The following CNOT1 variants were observed in gnomAD, a reference collection of about 807,000 sequenced individuals.
The protein encoded by CNOT1 is CCR4-NOT transcription complex subunit 1.
A neutral mutation model predicts 273.8 loss-of-function variants in CNOT1; 15 were observed. The ratio of observed to expected loss-of-function variants is 0.05; its 90% confidence interval spans 0.04 to 0.08. The LOEUF is 0.08. CNOT1 is among the 10% of genes least tolerant of loss of function. CNOT1 has a pLI of 1.00. For missense variants in CNOT1, 1,644 were observed against 2,912.2 expected (o/e 0.56, Z 10.02); for synonymous variants, 1,022 against 1,005.5 (o/e 1.02, Z -0.31).
At chr16:58,566,906 C>G (rs532023525) in intron 16 of CNOT1, among the ~76,000 whole-genome samples, 1 of 152,304 alleles carries the variant, frequency 6.6e-6, no homozygotes, top group Non-Finnish European at 1.5e-5. Context: ...GCTGGGATTA[C>G]AGCTGTGAGC....
intron 2 of CNOT1, among the ~76,000 whole-genome samples, chr16:58,595,321 T>C (rs2042215330): frequency 6.6e-6 from 1 of 151,546 alleles, no homozygotes; most frequent in Non-Finnish European, 1.5e-5. Flanking sequence ...CGCACCACTA[T>C]TACTGTCACT....
At chr16:58,523,248 AAAAC>A in intron 47 of CNOT1, 118 bp downstream of exon 47, 1 of 1,157,422 alleles carries the variant, frequency 8.6e-7, no homozygotes, top group Non-Finnish European at 1.2e-6. Context: ...CCGTCTCAAA[AAAAC>A]AAAAAAAAAA....
intron 1 of CNOT1, among the ~76,000 whole-genome samples, chr16:58,602,220 C>CT: frequency 6.6e-6 from 1 of 152,026 alleles, no homozygotes; most frequent in Non-Finnish European, 1.5e-5. Context: ...TGGCATGTGC[C>CT]ACCACGACTG....
In CNOT1 at chr16:58,599,365, G is replaced by C. The variant is rs755449543; in HGVS notation, c.-28C>G. ...CTGGTTGGGGCGGAAGCAGGCGGCCGAGCCCGGCGCAAAATCACCATTATT... is the reference window on the plus strand; with the variant it reads ...CTGGTTGGGGCGGAAGCAGGCGGCCCAGCCCGGCGCAAAATCACCATTATT... On this transcript the variant is annotated 5_prime_UTR_variant, in exon 2 of 49. Coordinates refer to ENST00000317147, the MANE Select transcript of CNOT1 (RefSeq NM_016284.5). The C allele has an allele frequency of 3.7e-6, 6 of 1,613,860 alleles. No individual in the cohort carries two copies. Among genetic ancestry groups the C allele is most frequent in the Non-Finnish European group, 5.1e-6 (6 of 1,179,990 alleles).
chr16:58,603,262 G>T (rs1056672855), intron 1 of CNOT1, among the ~76,000 whole-genome samples: 5 of 152,228 alleles, frequency 3.3e-5, no homozygotes, highest in Middle Eastern at 3.4e-3. Flanking sequence ...AGGCATGGTG[G>T]CTCACACTTG....
chr16:58,586,348 AG>A (rs1567424949), intron 7 of CNOT1, among the ~76,000 whole-genome samples, 196 bp downstream of exon 7: 10 of 50 alleles, frequency 0.2, 5 homozygotes, highest in Non-Finnish European at 0.25. Context: ...AGGGGAGGGG[AG>A]GGGGAGGGAG....
In CNOT1 at chr16:58,560,201, C is replaced by T. The variant is rs757684903; in HGVS notation, c.2130+11G>A. The T allele has an allele frequency of 8.7e-6, 14 of 1,612,702 alleles. No homozygotes were observed. The highest frequency in any genetic ancestry group is 8.0e-5 in the African/African-American group (6 of 74,854). On this transcript the variant is annotated intron_variant, in intron 17 of 48. Coordinates refer to ENST00000317147, the MANE Select transcript of CNOT1 (RefSeq NM_016284.5). ...GCAAATGAAGATGTATCAAATGTAGCACTCATTTACCTGAACAGGAGAAAT... is the reference window on the plus strand; with the variant it reads ...GCAAATGAAGATGTATCAAATGTAGTACTCATTTACCTGAACAGGAGAAAT...
Position 58,582,948 on chromosome 16 carries a change from T to A in CNOT1, c.934-45A>T, listed in dbSNP as rs778159424. 2.5e-6 allele frequency: 4 copies of A among 1,613,024 alleles called. No individual in the cohort carries two copies. In the Admixed American group the frequency reaches 6.7e-5, roughly 27 times the overall value. On this transcript the variant is annotated intron_variant, in intron 9 of 48. Coordinates refer to ENST00000317147, the MANE Select transcript of CNOT1 (RefSeq NM_016284.5). ...ATTAAACAAACCCAACTACTCCATG[T>A]GTTCACTTCTGGTCGATAGAACAAT... is the stretch of plus-strand genomic sequence containing the variant.
At position 58,599,265 on chromosome 16, in the gene CNOT1, A is replaced by T. The variant is rs1338225348; in HGVS notation, c.73T>A (p.Tyr25Asn). ...TGTATTTCCTGCTGGCTGGCTCGGT[A>T]ATTTTTCTTGGTTAAATTGTCCACC... is the stretch of plus-strand genomic sequence containing the variant. ...YLVDNLTKKNYRASQQEIQHI... is the reference protein window; with the variant it reads ...YLVDNLTKKNNRASQQEIQHI... The change falls in exon 2 of 49, where the codon TAC becomes AAC. Residue 25 changes from tyrosine (Y) to asparagine (N), a missense_variant. Around this residue, in one of 13 missense-constraint regions of CNOT1, gnomAD observed 706 missense variants for 1,021.2 expected, o/e 0.69. Transcript: ENST00000317147. 6.2e-7 allele frequency: 1 copy of T among 1,614,084 alleles called. No homozygotes were observed. The highest frequency in any genetic ancestry group is 1.7e-5 in the Admixed American group (1 of 60,004).
intron 16 of CNOT1, 39 bp from the exon 17 acceptor site, chr16:58,560,401 A>G (rs779001999): frequency 1.9e-6 from 3 of 1,604,154 alleles, no homozygotes; most frequent in Non-Finnish European, 2.6e-6. Context: ...ATCAGTTCCT[A>G]TTCTCTAGCA....
intron 29 of CNOT1, among the ~76,000 whole-genome samples, chr16:58,545,865 A>C (rs2040243261): frequency 6.6e-6 from 1 of 152,204 alleles, no homozygotes; most frequent in South Asian, 2.1e-4. Context: ...AAGAAAGAAA[A>C]GCTCAATTTA....
chr16:58,577,450 T>G (rs1471040891), intron 13 of CNOT1, among the ~76,000 whole-genome samples: 1 of 152,202 alleles, frequency 6.6e-6, no homozygotes, highest in Non-Finnish European at 1.5e-5. Context: ...GGAAACTAAC[T>G]GAATGACCTA....
chr16:58,555,757 A>T (rs771106090), intron 20 of CNOT1, 27 bp downstream of exon 20: 11 of 1,613,002 alleles, frequency 6.8e-6, no homozygotes, highest in South Asian at 6.6e-5. Context: ...CTAAACAATA[A>T]ATAAGTAGAT....
At position 58,556,987 on chromosome 16, in the gene CNOT1, C is replaced by T. The variant is rs1199165880; in HGVS notation, c.2339G>A (p.Gly780Asp). The T allele has an allele frequency of 6.8e-6, 11 of 1,613,704 alleles. No homozygotes were observed. The highest frequency in any genetic ancestry group is 9.3e-6 in the Non-Finnish European group (11 of 1,179,930). ...GGLSSQLPVG[G>D]LGTGSLTGIG... ...ACCAGTCAGGCTGCCTGTGCCAAGA[C>T]CACCTACTAGAGAGAACGAAGGCAG... The change falls in exon 19 of 49, where the codon GGT becomes GAT. Residue 780 changes from glycine (G) to aspartate (D), a missense_variant. Around this residue, in one of 13 missense-constraint regions of CNOT1, gnomAD observed 706 missense variants for 1,021.2 expected, o/e 0.69. Coordinates refer to ENST00000317147, the MANE Select transcript of CNOT1 (RefSeq NM_016284.5).
chr16:58,530,177 T>C, intron 43 of CNOT1, 69 bp downstream of exon 43: 1 of 1,285,980 alleles, frequency 7.8e-7, no homozygotes, highest in Non-Finnish European at 1.1e-6. Context: ...AAATAAGGCC[T>C]CAGATTCCTA....
At chr16:58,556,028 A>G in intron 19 of CNOT1, 120 bp from the exon 20 acceptor site, 3 of 1,487,378 alleles carry the variant, frequency 2.0e-6, no homozygotes, top group Non-Finnish European at 2.7e-6. Flanking sequence ...AAAAACTGGA[A>G]AAGGTATTAA....
At chr16:58,625,927 A>G (rs977073867) in intron 1 of CNOT1, among the ~76,000 whole-genome samples, 2 of 151,762 alleles carry the variant, frequency 1.3e-5, no homozygotes, top group African/African-American at 2.4e-5. Context: ...TTTAACTTTC[A>G]AAGATTCATC....
At chr16:58,620,836 TA>T (rs2043283223) in intron 1 of CNOT1, among the ~76,000 whole-genome samples, 1 of 152,078 alleles carries the variant, frequency 6.6e-6, no homozygotes, top group African/African-American at 2.4e-5. Context: ...AGCAATGATT[TA>T]AGTGGCATTT....
At chr16:58,521,490 T>C (rs1358070085) in intron 47 of CNOT1, among the ~76,000 whole-genome samples, 173 bp from the exon 48 acceptor site, 2 of 152,240 alleles carry the variant, frequency 1.3e-5, no homozygotes, top group African/African-American at 2.4e-5. Flanking sequence ...TTGGAATACC[T>C]GGGTTTGAAC....
Sources: gnomAD v4.1 joint callset for allele counts (sites outside exome capture counted in the v4.1 genomes callset) on GRCh38, gnomAD v4.1.1 for gene constraint, gnomAD v4.1.1 regional missense constraint, MANE v1.5 for transcripts, NCBI Gene and HGNC (gene_info 2026-07-23, HGNC 2026-07-21) for gene names.